Variants in TASOR2 observed in about 807,000 individuals in gnomAD.
TASOR2 encodes the protein transcription activation suppressor family member 2.
In TASOR2, 84 loss-of-function variants were observed where a neutral mutation model predicts 199.5. The ratio of observed to expected loss-of-function variants is 0.42; its 90% CI spans 0.35 to 0.50. TASOR2 has a LOEUF of 0.50. Among genes scored for constraint, TASOR2 ranks in the 20% least tolerant of loss-of-function variants. The probability of loss-of-function intolerance (pLI) is 0.02; values close to 1 mark genes in which losing one functional copy is unlikely to be tolerated. For synonymous variants in TASOR2, 1,103 were observed against 1,046.6 expected (o/e 1.05, Z -1.04); for missense variants, 2,796 against 2,835.9 (o/e 0.99, Z 0.32).
At chr10:5,715,502 G>A (rs1832509863) in intron 2 of TASOR2, among the ~76,000 whole-genome samples, 1 of 152,130 alleles carries the variant, frequency 6.6e-6, no homozygotes, top group Admixed American at 6.5e-5. Context: ...TATTTTTTGA[G>A]TAACTTCTTT....
intron 12 of TASOR2, among the ~76,000 whole-genome samples, chr10:5,736,413 G>A (rs1263269872): frequency 3.8e-5 from 2 of 52,024 alleles, no homozygotes; most frequent in East Asian, 5.2e-4. Context: ...GCGAGACTCC[G>A]TCTCAGAAAA....
chr10:5,700,621 C>T lies in TASOR2; in HGVS notation c.-287-12202C>T, dbSNP rs1184572331. Among the ~76,000 whole-genome samples the T allele has an allele frequency of 2.0e-5, 3 of 152,200 alleles. No homozygotes were observed. In the East Asian group the frequency reaches 5.8e-4, roughly 29 times the overall value. On this transcript the variant is annotated intron_variant, in intron 1 of 20. Coordinates refer to ENST00000328090, the Ensembl canonical transcript of TASOR2. ...TTATTGCTTGTCCTTTTAGTAAAAG[C>T]CATTTTAACTGGGGCGAGATGATGT...
At chr10:5,744,108 T>C (rs1830199164) in intron 14 of TASOR2, 1 of 152,218 alleles carries the variant, frequency 6.6e-6, no homozygotes, top group South Asian at 2.1e-4. Flanking sequence ...TATATCAAGA[T>C]TGTCACTATT....
Position 5,687,145 on chromosome 10 carries a change from T to A in TASOR2, c.-288+1970T>A, listed in dbSNP as rs1835898166. On this transcript the variant is annotated intron_variant, in intron 1 of 20. Transcript: ENST00000328090. The surrounding 1 kb of genome is among the most constrained non-coding windows in gnomAD (Gnocchi z 4.8). ...ACAAAGCGTATCTGTGTAATAAATA[T>A]GCTTTTTGTCAGTACATGTTAATGG... 6.6e-6 allele frequency among the ~76,000 whole-genome samples: 1 copy of A among 152,208 alleles called. No individual in the cohort carries two copies. Among genetic ancestry groups the A allele is most frequent in the African/African-American group, 2.4e-5 (1 of 41,460 alleles).
chr10:5,724,476 A>G, exon 8 of TASOR2: 1 of 1,540,730 alleles, frequency 6.5e-7, no homozygotes, highest in Non-Finnish European at 8.7e-7. Context: ...TAGAACTGTC[A>G]AACAGACAAG....
At position 5,748,787 on chromosome 10, in the gene TASOR2, C is replaced by G. The variant is rs936802929; in HGVS notation, c.5366C>G (p.Thr1789Arg). The G allele has an allele frequency of 1.2e-6, 2 of 1,614,070 alleles. No individual in the cohort carries two copies. The highest frequency in any genetic ancestry group is 1.7e-6 in the Non-Finnish European group (2 of 1,180,048). ...GATACTTCTGTTTGTGGAATAGCCA[C>G]AGAGCACGTAGAAATTGAGAACAGT... The change falls in exon 15 of 21, where the codon ACA (threonine) becomes AGA (arginine). Residue 1789 changes from threonine to arginine, a missense_variant. Transcript: ENST00000328090. The surrounding 1 kb of genome is among the most constrained non-coding windows in gnomAD (Gnocchi z 5.1).
At chr10:5,708,648 C>CTTCCTTCCTTCCT in intron 1 of TASOR2, among the ~76,000 whole-genome samples, 3 of 84,246 alleles carry the variant, frequency 3.6e-5, no homozygotes, top group Non-Finnish European at 7.6e-5. Context: ...TCCTTCCTTC[C>CTTCCTTCCTTCCT]TTCCTTCCTT....
At chr10:5,718,852 C>T (rs545130703) in intron 3 of TASOR2, among the ~76,000 whole-genome samples, 2 of 151,698 alleles carry the variant, frequency 1.3e-5, no homozygotes, top group South Asian at 2.1e-4. Context: ...TCTTGCTCTG[C>T]GATGAGTGCT....
chr10:5,729,400 T>C (rs1834494056), intron 10 of TASOR2, among the ~76,000 whole-genome samples: 1 of 149,078 alleles, frequency 6.7e-6, no homozygotes, highest in African/African-American at 2.5e-5. Flanking sequence ...TTAAAACAAT[T>C]TGGTTTATAA....
At chr10:5,705,237 CTGTATA>C (rs1394456556) in intron 1 of TASOR2, among the ~76,000 whole-genome samples, 3 of 152,164 alleles carry the variant, frequency 2.0e-5, no homozygotes, top group African/African-American at 7.2e-5. Flanking sequence ...GCTTCTTGAA[CTGTATA>C]TGTATAGAAT....
chr10:5,723,881 G>A (rs1036780428), intron 7 of TASOR2, 104 bp downstream of exon 8: 18 of 619,710 alleles, frequency 2.9e-5, no homozygotes, highest in African/African-American at 2.7e-4. Context: ...TTCATCATAA[G>A]TGACTCTTAA....
intron 1 of TASOR2, among the ~76,000 whole-genome samples, chr10:5,695,061 G>C (rs1036161651): frequency 2.0e-5 from 3 of 152,024 alleles, no homozygotes; most frequent in African/African-American, 7.2e-5. Context: ...TTTGGTATTC[G>C]CATCTGATTG....
rs543578297 is a variant in TASOR2, at chr10:5,700,636, C to T, written c.-287-12187C>T. ...TTAGTAAAAGCCATTTTAACTGGGG[C>T]GAGATGATGTCTCGTAGTTTTGATT... On this transcript the variant is annotated intron_variant, in intron 1 of 20. Coordinates refer to ENST00000328090, the Ensembl canonical transcript of TASOR2. Among the ~76,000 whole-genome samples the T allele has an allele frequency of 3.9e-4, 60 of 152,110 alleles. No homozygotes were observed. In the South Asian group the frequency reaches 0.012, roughly 31 times the overall value.
At chr10:5,739,982 G>T in exon 13 of TASOR2, 1 of 1,614,088 alleles carries the variant, frequency 6.2e-7, no homozygotes, top group Non-Finnish European at 8.5e-7. Flanking sequence ...CTGATAGGAA[G>T]AGTAATTCTG....
Position 5,704,522 on chromosome 10 carries a change from A to G in TASOR2, c.-287-8301A>G, listed in dbSNP as rs1161992892. Among the ~76,000 whole-genome samples the G allele has an allele frequency of 2.6e-5, 4 of 152,176 alleles. No individual in the cohort carries two copies. In the East Asian group the frequency reaches 5.8e-4, roughly 22 times the overall value. Reference sequence around the variant, plus strand: ...TTTTCAGTGCCTTGTTTTGTCCTTGATTAATTTGACTAAAGATATATCAAT... The same window carrying G: ...TTTTCAGTGCCTTGTTTTGTCCTTGGTTAATTTGACTAAAGATATATCAAT... On this transcript the variant is annotated intron_variant, in intron 1 of 20. Coordinates refer to ENST00000328090, the Ensembl canonical transcript of TASOR2.
At position 5,720,917 on chromosome 10, in the gene TASOR2, G is replaced by C; in HGVS notation, c.93G>C (p.Met31Ile). The change falls in exon 6 of 21, where the codon ATG becomes ATC. Residue 31 changes from methionine (M) to isoleucine (I), a missense_variant. Coordinates refer to ENST00000328090, the Ensembl canonical transcript of TASOR2. This position sits in a 1 kb window ranked among gnomAD's most constrained non-coding sequence, Gnocchi z 5.3. ...GGAAATTAATTGTTCAAGACCGTAT[G>C]CTATGTGATATAGCTCTTTGGTCCA... 1.2e-6 allele frequency: 2 copies of C among 1,613,530 alleles called. No individual in the cohort carries two copies. The highest frequency in any genetic ancestry group is 1.7e-6 in the Non-Finnish European group (2 of 1,179,816).
intron 14 of TASOR2, among the ~76,000 whole-genome samples, chr10:5,745,281 T>TAGG (rs55917925): frequency 0.85 from 128,838 of 151,784 alleles, 54,756 homozygotes; most frequent in African/African-American, 0.88. Context: ...CCATGTACAA[T>TAGG]AGGTATTCAA....
At chr10:5,712,508 CTT>C in intron 1 of TASOR2, 2 of 1,231,642 alleles carry the variant, frequency 1.6e-6, no homozygotes, top group Non-Finnish European at 2.0e-6. Context: ...AGTCAAGTGA[CTT>C]TGGTGAAAAA....
At chr10:5,758,852 TGTC>T in intron 17 of TASOR2, 32 bp from the exon 19 acceptor site, 3 of 1,515,858 alleles carry the variant, frequency 2.0e-6, no homozygotes, top group Non-Finnish European at 2.7e-6. Flanking sequence ...ACCTTAAACT[TGTC>T]ATCTTCTTTT....
Sources: allele counts gnomAD v4.1 joint callset (sites outside exome capture counted in the v4.1 genomes callset), GRCh38; gene constraint gnomAD v4.1.1; non-coding constraint Gnocchi (gnomAD v3.1); transcripts MANE v1.5; gene names NCBI Gene and HGNC (gene_info 2026-07-23, HGNC 2026-07-21).